SH3RF2: variants seen among roughly 807,000 people sequenced by gnomAD.
SH3RF2 encodes SH3 domain containing ring finger 2.
SH3RF2 carries 43 observed loss-of-function variants against 59.0 expected under a neutral mutation model. The observed-to-expected ratio is 0.73, with a 90% CI of 0.57 to 0.94. SH3RF2 has a LOEUF of 0.94. Among genes scored for constraint, SH3RF2 ranks in the 40% least tolerant of loss-of-function variants. The pLI is 0.00. For missense variants in SH3RF2, 930 were observed against 940.1 expected (o/e 0.99, Z 0.14); for synonymous variants, 391 against 391.5 (o/e 1.00, Z 0.01).
intron 2 of SH3RF2, among the ~76,000 whole-genome samples, chr5:145,999,308 CA>C (rs1258623224): frequency 1.3e-5 from 2 of 152,198 alleles, no homozygotes; most frequent in African/African-American, 4.8e-5. Flanking sequence ...ATCTTCTACA[CA>C]AACCAGTCAA....
intron 2 of SH3RF2, among the ~76,000 whole-genome samples, chr5:145,973,106 C>T (rs576618190): frequency 1.3e-5 from 2 of 152,236 alleles, no homozygotes; most frequent in South Asian, 2.1e-4. Flanking sequence ...GTAAATGACA[C>T]CTCAACTGGG....
chr5:146,033,371 A>C (rs936845514), intron 5 of SH3RF2, among the ~76,000 whole-genome samples: 3 of 148,350 alleles, frequency 2.0e-5, no homozygotes, highest in African/African-American at 7.5e-5. Context: ...CAATTGGAGG[A>C]GACCAGATAT....
At chr5:146,002,539 T>C (rs1010248975) in intron 3 of SH3RF2, among the ~76,000 whole-genome samples, 1 of 132,572 alleles carries the variant, frequency 7.5e-6, no homozygotes, top group Admixed American at 7.4e-5. Context: ...GAAGGAAGGA[T>C]AACCTATAAA....
intron 2 of SH3RF2, among the ~76,000 whole-genome samples, chr5:145,938,613 G>A (rs1316797409): frequency 6.6e-6 from 1 of 152,196 alleles, no homozygotes; most frequent in Non-Finnish European, 1.5e-5. Context: ...CTGCTGTTCT[G>A]AGGCCAAACT....
intron 5 of SH3RF2, among the ~76,000 whole-genome samples, chr5:146,020,895 A>G (rs938038293): frequency 1.2e-4 from 19 of 152,134 alleles, no homozygotes; most frequent in Admixed American, 1.1e-3. Flanking sequence ...GACAAGTCCA[A>G]GCATCTTTCC....
chr5:146,021,488 T>C (rs1761313434), intron 5 of SH3RF2, among the ~76,000 whole-genome samples: 1 of 152,204 alleles, frequency 6.6e-6, no homozygotes. Context: ...GATGAACACC[T>C]ATCCCCTCCA....
chr5:146,020,003 T>C (rs1238584884), intron 5 of SH3RF2, among the ~76,000 whole-genome samples: 1 of 152,200 alleles, frequency 6.6e-6, no homozygotes, highest in Non-Finnish European at 1.5e-5. Context: ...AGGAGTCTTT[T>C]GGAGGAGTCT....
intron 3 of SH3RF2, among the ~76,000 whole-genome samples, chr5:146,002,365 C>G (rs1488564462): frequency 2.6e-5 from 4 of 151,978 alleles, no homozygotes; most frequent in African/African-American, 7.3e-5. Flanking sequence ...GCAGGAGAAT[C>G]GCTTGAACCC....
At chr5:146,002,492 GGAA>G (rs1760461749) in intron 3 of SH3RF2, among the ~76,000 whole-genome samples, 1 of 144,094 alleles carries the variant, frequency 6.9e-6, no homozygotes, top group Non-Finnish European at 1.5e-5. Context: ...AAGGAAGGAA[GGAA>G]GGAAGGAAGG....
chr5:146,051,028 A>G (rs1762477731), intron 7 of SH3RF2, among the ~76,000 whole-genome samples: 1 of 152,206 alleles, frequency 6.6e-6, no homozygotes, highest in African/African-American at 2.4e-5. Context: ...TGAGGTCAGG[A>G]GTTTGAAACC....
intron 6 of SH3RF2, among the ~76,000 whole-genome samples, 163 bp downstream of exon 6, chr5:146,048,026 AT>A (rs756787312): frequency 2.0e-5 from 3 of 152,106 alleles, no homozygotes; most frequent in Non-Finnish European, 4.4e-5. Context: ...AAAAACAGAA[AT>A]TAGGGCCAGG....
intron 2 of SH3RF2, among the ~76,000 whole-genome samples, chr5:145,970,523 G>T (rs996723545): frequency 3.9e-5 from 6 of 152,124 alleles, no homozygotes; most frequent in Non-Finnish European, 7.3e-5. Context: ...GTCATTGGTT[G>T]ATGGGCATTT....
chr5:145,991,508 C>T (rs1281709325), intron 2 of SH3RF2, among the ~76,000 whole-genome samples: 1 of 152,080 alleles, frequency 6.6e-6, no homozygotes, highest in African/African-American at 2.4e-5. Flanking sequence ...ACTATGGAAG[C>T]CAATGTTTTC....
At chr5:145,953,843 G>A (rs1334601041) in intron 2 of SH3RF2, among the ~76,000 whole-genome samples, 1 of 152,108 alleles carries the variant, frequency 6.6e-6, no homozygotes, top group Non-Finnish European at 1.5e-5. Flanking sequence ...GTTTGCTAAG[G>A]ACAATGGCCT....
intron 8 of SH3RF2, among the ~76,000 whole-genome samples, chr5:146,057,284 C>G (rs1762704579): frequency 6.6e-6 from 1 of 152,152 alleles, no homozygotes; most frequent in South Asian, 2.1e-4. Flanking sequence ...GACTACCAGT[C>G]CCATGACTCT....
At chr5:145,968,646 C>T (rs1357876664) in intron 2 of SH3RF2, among the ~76,000 whole-genome samples, 1 of 152,106 alleles carries the variant, frequency 6.6e-6, no homozygotes, top group Non-Finnish European at 1.5e-5. Context: ...CTCACTTAAT[C>T]CATCAACATA....
chr5:146,051,923 G>A lies in SH3RF2; in HGVS notation c.1322+2678G>A, dbSNP rs150768736. On this transcript the variant is annotated intron_variant, in intron 7 of 9. Transcript: ENST00000359120. ...AGGAGAGACTTGGAGAGTAAATGCT[G>A]ACTGCAGGAAGGTGGAGTGGTGGGT... Among the ~76,000 whole-genome samples the A allele has an allele frequency of 3.9e-5, 6 of 152,302 alleles. No individual in the cohort carries two copies. The East Asian group carries it at 1.2e-3, about 29-fold the overall frequency.
intron 4 of SH3RF2, among the ~76,000 whole-genome samples, chr5:146,007,340 T>C (rs1049422706): frequency 3.3e-5 from 5 of 152,128 alleles, no homozygotes; most frequent in African/African-American, 1.2e-4. Flanking sequence ...CCACAGGACT[T>C]TGGGATTGAC....
chr5:145,976,443 GAAA>G (rs113776416), intron 2 of SH3RF2, among the ~76,000 whole-genome samples: 2 of 138,634 alleles, frequency 1.4e-5, no homozygotes, highest in Non-Finnish European at 3.2e-5. Context: ...AATTAAGAAG[GAAA>G]AAAAAAAAAA....
Sources: allele counts gnomAD v4.1 joint callset (sites outside exome capture counted in the v4.1 genomes callset), GRCh38; gene constraint gnomAD v4.1.1; transcripts MANE v1.5; gene names NCBI Gene and HGNC (gene_info 2026-07-23, HGNC 2026-07-21).